The following OR9Q1 variants were observed in gnomAD, a reference collection of about 807,000 sequenced individuals.
The protein encoded by OR9Q1 is olfactory receptor 9Q1.
For synonymous variants in OR9Q1, 153 were observed against 148.6 expected, an observed-to-expected ratio of 1.03 and a Z score of -0.22; for missense variants, 374 against 378.8, an observed-to-expected ratio of 0.99 and a Z score of 0.11.
intron 2 of OR9Q1, among the ~76,000 whole-genome samples, chr11:58,122,817 C>A (rs1277546584): frequency 6.6e-6 from 1 of 152,012 alleles, no homozygotes; most frequent in Non-Finnish European, 1.5e-5. Flanking sequence ...TTATTCTTTT[C>A]ATATTTATTT....
intron 2 of OR9Q1, among the ~76,000 whole-genome samples, chr11:58,178,541 G>A (rs189168434): frequency 7.8e-4 from 119 of 152,308 alleles, no homozygotes; most frequent in Non-Finnish European, 1.6e-3. Flanking sequence ...CCAGGTGACA[G>A]TTGGAGAGGA....
intron 2 of OR9Q1, among the ~76,000 whole-genome samples, chr11:58,087,672 C>A (rs1430222499): frequency 6.6e-6 from 1 of 151,738 alleles, no homozygotes; most frequent in Non-Finnish European, 1.5e-5. Context: ...AGATTTTAAG[C>A]CCAGCATGCA....
chr11:58,078,785 C>G (rs1225690303), intron 2 of OR9Q1, among the ~76,000 whole-genome samples: 1 of 152,184 alleles, frequency 6.6e-6, no homozygotes, highest in Non-Finnish European at 1.5e-5. Context: ...AGCATCTCCT[C>G]TCTTTGAAAA....
chr11:58,131,903 T>C (rs1198113266), intron 2 of OR9Q1, among the ~76,000 whole-genome samples: 1 of 152,124 alleles, frequency 6.6e-6, no homozygotes, highest in Non-Finnish European at 1.5e-5. Flanking sequence ...AAAAAGGCAA[T>C]ATAAACTTTG....
chr11:58,118,965 G>A (rs1376813930), intron 2 of OR9Q1: 1 of 1,613,866 alleles, frequency 6.2e-7, no homozygotes, highest in Non-Finnish European at 8.5e-7. Context: ...AGGTGCAAGT[G>A]GTACGCAGGA....
intron 2 of OR9Q1, among the ~76,000 whole-genome samples, chr11:58,154,201 G>A (rs1194132996): frequency 7.2e-6 from 1 of 139,002 alleles, no homozygotes; most frequent in South Asian, 2.2e-4. Flanking sequence ...GGAGAAGGGG[G>A]AGGAGAAGGA....
At chr11:58,075,302 C>T (rs1348497164) in intron 2 of OR9Q1, 2 of 152,128 alleles carry the variant, frequency 1.3e-5, no homozygotes, top group African/African-American at 2.4e-5. Flanking sequence ...GTTTTTAGTT[C>T]TCCTTGAAGA....
chr11:58,136,169 G>T (rs1448923476), intron 2 of OR9Q1, among the ~76,000 whole-genome samples: 1 of 152,274 alleles, frequency 6.6e-6, no homozygotes, highest in Non-Finnish European at 1.5e-5. Context: ...CTAATGTGGG[G>T]GAAAGATAAC....
Position 58,179,695 on chromosome 11 carries a change from T to G in OR9Q1, c.251T>G (p.Val84Gly). ...ATCACTGTCCCCCAGATGCTGGCAG[T>G]GCTGCTGGAGCATGGGGCAGCTTTA... is the stretch of plus-strand genomic sequence containing the variant. ...SSITVPQMLA[V>G]LLEHGAALSY... The change falls in exon 3 of 3, where the codon GTG (valine) becomes GGG (glycine). Residue 84 changes from valine (V) to glycine (G), a missense_variant. Coordinates refer to ENST00000335397, the MANE Select transcript of OR9Q1 (RefSeq NM_001005212.4). 2 of 1,614,178 alleles carry G rather than the reference T, an allele frequency of 1.2e-6. No homozygotes were observed. Among genetic ancestry groups the G allele is most frequent in the Non-Finnish European group, 1.7e-6 (2 of 1,180,006 alleles).
intron 1 of OR9Q1, among the ~76,000 whole-genome samples, chr11:58,034,792 CCCTTCCTTCCTTCCTT>C (rs71061567): frequency 1.0e-5 from 1 of 96,050 alleles, no homozygotes; most frequent in African/African-American, 3.7e-5. Flanking sequence ...CCTCCTTTCT[CCCTTCCTTCCTTCCTT>C]CCTTCCTTCC....
At chr11:58,057,764 A>T (rs1197448220) in intron 2 of OR9Q1, 1 of 152,088 alleles carries the variant, frequency 6.6e-6, no homozygotes, top group Non-Finnish European at 1.5e-5. Context: ...GGACCAGCAG[A>T]TTTCTAAGGC....
At chr11:58,062,977 C>G (rs1853395102) in intron 2 of OR9Q1, among the ~76,000 whole-genome samples, 1 of 152,176 alleles carries the variant, frequency 6.6e-6, no homozygotes, top group Non-Finnish European at 1.5e-5. Flanking sequence ...TGCTTGCCTT[C>G]TCTTCCAGAG....
At chr11:58,115,267 C>T (rs1054309182) in intron 2 of OR9Q1, among the ~76,000 whole-genome samples, 1 of 152,042 alleles carries the variant, frequency 6.6e-6, no homozygotes, top group East Asian at 1.9e-4. Context: ...AATTTACTTG[C>T]AATAACAAAA....
intron 2 of OR9Q1, among the ~76,000 whole-genome samples, chr11:58,141,830 C>A (rs886771435): frequency 7.2e-5 from 11 of 152,088 alleles, no homozygotes; most frequent in Non-Finnish European, 1.5e-4. Context: ...TCCAGCCTTA[C>A]CTTTGTGCTG....
chr11:58,090,265 A>G (rs1329689874), intron 2 of OR9Q1, among the ~76,000 whole-genome samples: 1 of 152,160 alleles, frequency 6.6e-6, no homozygotes, highest in Non-Finnish European at 1.5e-5. Flanking sequence ...CCCATTCAGT[A>G]TGATATTGGC....
chr11:58,128,267 A>T (rs1194346835), intron 2 of OR9Q1, among the ~76,000 whole-genome samples: 5 of 151,258 alleles, frequency 3.3e-5, no homozygotes, highest in Admixed American at 1.3e-4. Context: ...AAAAAAAAAA[A>T]AAAGAACAGT....
chr11:58,130,416 C>T (rs1299906456), intron 2 of OR9Q1, among the ~76,000 whole-genome samples: 1 of 152,132 alleles, frequency 6.6e-6, no homozygotes, highest in Non-Finnish European at 1.5e-5. Context: ...TGATGGCAAA[C>T]ATTTCCCTTC....
At chr11:58,151,219 C>T (rs1211299004) in intron 2 of OR9Q1, among the ~76,000 whole-genome samples, 1 of 152,150 alleles carries the variant, frequency 6.6e-6, no homozygotes, top group East Asian at 1.9e-4. Context: ...GAGGAGATGT[C>T]ATATAAAAAG....
chr11:58,165,467 C>G (rs900396370), intron 2 of OR9Q1, among the ~76,000 whole-genome samples: 1 of 152,216 alleles, frequency 6.6e-6, no homozygotes, highest in Non-Finnish European at 1.5e-5. Flanking sequence ...ATTTACTGAG[C>G]TGTTCTCTGA....
Sources: allele counts gnomAD v4.1 joint callset (sites outside exome capture counted in the v4.1 genomes callset), GRCh38; gene constraint gnomAD v4.1.1; transcripts MANE v1.5; gene names NCBI Gene and HGNC (gene_info 2026-07-23, HGNC 2026-07-21).